GCNT4: variants seen among roughly 807,000 people sequenced by gnomAD.
GCNT4 encodes glucosaminyl (N-acetyl) transferase 4, also known as beta-1,3-galactosyl-O-glycosyl-glycoprotein beta-1,6-N-acetylglucosaminyltransferase 4.
A neutral mutation model predicts 31.3 loss-of-function variants in GCNT4; 17 were observed. That is an observed-to-expected ratio of 0.54 (90% CI 0.37 to 0.81). The LOEUF (loss-of-function observed/expected upper bound fraction) is 0.81. Among genes scored for constraint, GCNT4 ranks in the 40% least tolerant of loss-of-function variants. The pLI is 0.00. For synonymous variants in GCNT4, 158 were observed against 190.6 expected (o/e 0.83, Z 1.41); for missense variants, 503 against 525.5 (o/e 0.96, Z 0.42).
At chr5:75,042,374 CT>C (rs1311094436) in intron 3 of GCNT4, among the ~76,000 whole-genome samples, 8 of 152,110 alleles carry the variant, frequency 5.3e-5, no homozygotes, top group South Asian at 2.1e-4. Flanking sequence ...ACATGGTATG[CT>C]TTTTTTTCCC....
intron 3 of GCNT4, among the ~76,000 whole-genome samples, chr5:75,040,950 T>C (rs1001468661): frequency 6.6e-6 from 1 of 152,180 alleles, no homozygotes; most frequent in South Asian, 2.1e-4. Flanking sequence ...TAGAGTTTTT[T>C]CCCCAGTATG....
chr5:75,051,776 A>G (rs565852469), intron 2 of GCNT4, among the ~76,000 whole-genome samples: 137 of 152,322 alleles, frequency 9.0e-4, no homozygotes, highest in African/African-American at 3.3e-3. Context: ...AAATCAGTAT[A>G]AACTTTTTCC....
intron 2 of GCNT4, among the ~76,000 whole-genome samples, chr5:75,051,304 G>A (rs980280300): frequency 6.6e-6 from 1 of 152,204 alleles, no homozygotes; most frequent in African/African-American, 2.4e-5. Flanking sequence ...CAGCCAATGC[G>A]CTGTTCACAT....
downstream of GCNT4, chr5:75,023,897 C>T (rs990150994): frequency 1.3e-5 from 2 of 152,156 alleles, no homozygotes; most frequent in African/African-American, 2.4e-5. Flanking sequence ...ATGATTCAAC[C>T]GAGGGTGCTC....
In GCNT4 at chr5:75,027,272, ATATGT is replaced by A. The variant is rs1255760781; in HGVS notation, c.*1399_*1403del. The A allele has an allele frequency of 2.4e-4, 32 of 133,938 alleles. No homozygotes were observed. The highest frequency in any genetic ancestry group is 9.4e-4 in the African/African-American group (31 of 32,932). The allele number at this position is 133,938 out of a possible 1,614,324, so 8.3% of individuals were successfully genotyped here. A position where few individuals can be genotyped will look rare whatever the true frequency, so the allele number is the denominator to read the frequency against. On this transcript the variant is annotated 3_prime_UTR_variant, in exon 4 of 4. Coordinates refer to ENST00000652361, the MANE Select transcript of GCNT4 (RefSeq NM_001366737.1). ...ATTATATATATAATATATATTCATT[ATATGT>A]TATATAATATATATTTATATATATA...
At chr5:75,049,401 A>G (rs1743516446) in intron 2 of GCNT4, among the ~76,000 whole-genome samples, 1 of 152,204 alleles carries the variant, frequency 6.6e-6, no homozygotes, top group African/African-American at 2.4e-5. Flanking sequence ...CACATCTAAA[A>G]TAGTAAATAC....
chr5:75,047,671 T>C (rs914121042), intron 3 of GCNT4: 1 of 152,206 alleles, frequency 6.6e-6, no homozygotes, highest in African/African-American at 2.4e-5. Flanking sequence ...TACCTAATTG[T>C]ACTCCTCTAA....
intron 3 of GCNT4, among the ~76,000 whole-genome samples, chr5:75,031,886 C>T (rs914232645): frequency 4.6e-5 from 7 of 152,138 alleles, no homozygotes; most frequent in African/African-American, 1.7e-4. Context: ...ATACTGAGAC[C>T]TGGTGGGGTC....
downstream of GCNT4, among the ~76,000 whole-genome samples, chr5:75,023,186 AC>A (rs1358229469): frequency 6.6e-6 from 1 of 152,214 alleles, no homozygotes; most frequent in African/African-American, 2.4e-5. Flanking sequence ...GCTCTTTACT[AC>A]CCATGCATTA....
chr5:75,050,321 G>A (rs1231882073), intron 2 of GCNT4, among the ~76,000 whole-genome samples: 2 of 152,078 alleles, frequency 1.3e-5, no homozygotes, highest in South Asian at 2.1e-4. Flanking sequence ...AAATACCATC[G>A]CAATCCAAGG....
upstream of GCNT4, among the ~76,000 whole-genome samples, chr5:75,053,383 T>C (rs536232273): frequency 2.4e-4 from 36 of 152,094 alleles, no homozygotes; most frequent in African/African-American, 8.4e-4. Flanking sequence ...GCGCCGAAGT[T>C]TTCCCCGGCG....
At chr5:75,046,182 T>C (rs1314254583) in intron 3 of GCNT4, among the ~76,000 whole-genome samples, 1 of 152,196 alleles carries the variant, frequency 6.6e-6, no homozygotes, top group Non-Finnish European at 1.5e-5. Context: ...CTGACACATC[T>C]GCCATTATGT....
chr5:75,051,233 C>T (rs1743563061), intron 2 of GCNT4, among the ~76,000 whole-genome samples: 2 of 152,182 alleles, frequency 1.3e-5, no homozygotes, highest in African/African-American at 4.8e-5. Flanking sequence ...TTCAGTCTCC[C>T]CAGCAAGGCC....
At chr5:75,024,161 A>G (rs1742914242), downstream of GCNT4, among the ~76,000 whole-genome samples, 1 of 152,152 alleles carries the variant, frequency 6.6e-6, no homozygotes. Context: ...TTAGGTGTAG[A>G]TTTGTAGGTG....
At chr5:75,050,099 G>T (rs1743534798) in intron 2 of GCNT4, among the ~76,000 whole-genome samples, 3 of 152,224 alleles carry the variant, frequency 2.0e-5, no homozygotes, top group South Asian at 2.1e-4. Context: ...CCTAAGCTAG[G>T]CAGTGACAAG....
intron 3 of GCNT4, among the ~76,000 whole-genome samples, chr5:75,041,916 T>C (rs1178520050): frequency 6.6e-6 from 1 of 152,202 alleles, no homozygotes; most frequent in East Asian, 1.9e-4. Context: ...TTGTAATAGA[T>C]TGTGACCCTC....
intron 3 of GCNT4, among the ~76,000 whole-genome samples, chr5:75,036,330 T>C (rs540218349): frequency 6.6e-6 from 1 of 151,992 alleles, no homozygotes; most frequent in Non-Finnish European, 1.5e-5. Context: ...ATGAGGTAGG[T>C]ACTACTGTTA....
Position 75,052,166 on chromosome 5 carries a change from C to T in GCNT4, c.-143+3G>A, listed in dbSNP as rs1166453876. On this transcript the variant is annotated splice_donor_region_variant and intron_variant, in intron 2 of 3. Transcript: ENST00000652361. Reference sequence around the variant, plus strand: ...TCAAAAAGGGCGACTTCTGTCTACTCACATGAGACAATTAAACGCATTATA... The same window carrying T: ...TCAAAAAGGGCGACTTCTGTCTACTTACATGAGACAATTAAACGCATTATA... 6.8e-6 allele frequency: 1 copy of T among 147,106 alleles called. No homozygotes were observed. The highest frequency in any genetic ancestry group is 2.6e-5 in the African/African-American group (1 of 39,128). The allele number at this position is 147,106 out of a possible 1,614,324, so 9.1% of individuals were successfully genotyped here.
At chr5:75,049,613 A>G (rs1580248506) in intron 2 of GCNT4, among the ~76,000 whole-genome samples, 1 of 152,238 alleles carries the variant, frequency 6.6e-6, no homozygotes, top group East Asian at 1.9e-4. Flanking sequence ...AATTAATACA[A>G]AACATACATC....
Sources: allele counts gnomAD v4.1 joint callset (sites outside exome capture counted in the v4.1 genomes callset), GRCh38; gene constraint gnomAD v4.1.1; transcripts MANE v1.5; gene names NCBI Gene and HGNC (gene_info 2026-07-23, HGNC 2026-07-21).